Variants in DHRS3 observed in about 807,000 individuals in gnomAD.
DHRS3 encodes the protein short-chain dehydrogenase/reductase 3.
Under a neutral mutation model 27.2 loss-of-function variants are expected in DHRS3, and 14 were observed. The observed-to-expected ratio is 0.52, with a 90% CI of 0.34 to 0.81. The LOEUF (loss-of-function observed/expected upper bound fraction) is 0.81. Among genes scored for constraint, DHRS3 ranks in the 30% least tolerant of loss-of-function variants. The pLI is 0.01. For synonymous variants in DHRS3, 165 were observed against 175.9 expected, an observed-to-expected ratio of 0.94 and a Z score of 0.49; for missense variants, 322 against 406.2, an observed-to-expected ratio of 0.79 and a Z score of 1.78.
chr1:12,572,608 G>A lies in DHRS3; in HGVS notation c.824+120C>T, dbSNP rs889942279. 3.1e-5 allele frequency: 45 copies of A among 1,465,924 alleles called. 1 individual carries two copies. The South Asian group carries it at 5.3e-4, about 17-fold the overall frequency. 90.8% of individuals were successfully genotyped at this position (1,465,924 alleles called of 1,614,324 possible). A position where few individuals can be genotyped will look rare whatever the true frequency, so the allele number is the denominator to read the frequency against. On this transcript the variant is annotated intron_variant, in intron 5 of 5. Coordinates refer to ENST00000616661, the MANE Select transcript of DHRS3 (RefSeq NM_004753.7). ...TTTGAGAACTGCTGCCCCACAGTAA[G>A]TACAGTACATCAGCAGCAAATGTGC...
At chr1:12,572,657 G>T (rs758101280) in intron 5 of DHRS3, 71 bp downstream of exon 5, 3 of 1,542,776 alleles carry the variant, frequency 1.9e-6, no homozygotes, top group African/African-American at 1.4e-5. Context: ...GCTCATGCCC[G>T]CAGCAGACAT....
intron 1 of DHRS3, among the ~76,000 whole-genome samples, chr1:12,602,024 T>C (rs944457705): frequency 2.0e-5 from 3 of 152,242 alleles, no homozygotes; most frequent in African/African-American, 7.2e-5. Flanking sequence ...AGTTGCCAGA[T>C]ACTTGGTGAG....
In DHRS3 at chr1:12,578,235, C is replaced by G. The variant is rs1646607821; in HGVS notation, c.698+483G>C. Among the ~76,000 whole-genome samples, 1 of 152,210 alleles carries G rather than the reference C, an allele frequency of 6.6e-6. No homozygotes were observed. Among genetic ancestry groups the G allele is most frequent in the African/African-American group, 2.4e-5 (1 of 41,452 alleles). On this transcript the variant is annotated intron_variant, in intron 4 of 5. Transcript: ENST00000616661. The surrounding 1 kb of genome is among the most constrained non-coding windows in gnomAD (Gnocchi z 4.5). ...AGCTCCCTGAACCAAGCAGCAGGAC[C>G]CTCCCCATCGTGGCATCACTGCCTT... is the stretch of plus-strand genomic sequence containing the variant.
chr1:12,611,081 C>T (rs767460496), intron 1 of DHRS3, among the ~76,000 whole-genome samples: 5 of 152,140 alleles, frequency 3.3e-5, no homozygotes, highest in Non-Finnish European at 5.9e-5. Flanking sequence ...CAGACGGCCT[C>T]GGCAAATACC....
rs948551425 is a variant in DHRS3 at position 12,594,717 on chromosome 1, A to G, written c.196-14051T>C. Among the ~76,000 whole-genome samples, 6 of 152,138 alleles carry G rather than the reference A, an allele frequency of 3.9e-5. No individual in the cohort carries two copies. The highest frequency in any genetic ancestry group is 6.5e-5 in the Admixed American group (1 of 15,272). The stretch of plus-strand genomic sequence containing the variant: ...GTGGGAATGAGCTTCCCCAGCACGG[A>G]GACCAGTGTGGAAGAGCAAGCGGGA... On this transcript the variant is annotated intron_variant, in intron 1 of 5. Transcript: ENST00000616661. This position sits in a 1 kb window ranked among gnomAD's most constrained non-coding sequence, Gnocchi z 4.1.
At chr1:12,588,166 C>A (rs540243095) in intron 1 of DHRS3, among the ~76,000 whole-genome samples, 2 of 152,314 alleles carry the variant, frequency 1.3e-5, no homozygotes, top group African/African-American at 4.8e-5. Flanking sequence ...CTTATGGACT[C>A]CTATTCAACC....
chr1:12,571,552 C>T lies in DHRS3; in HGVS notation c.824+1176G>A, dbSNP rs565096489. Among the ~76,000 whole-genome samples, 234 of 126,450 alleles carry T rather than the reference C, an allele frequency of 1.9e-3. 2 individuals carry two copies. Among genetic ancestry groups the T allele is most frequent in the African/African-American group, 6.8e-3 (218 of 31,916 alleles). The allele number at this position is 126,450 out of a possible 152,430, so 83.0% of individuals were successfully genotyped here. ...TTTTTTTTTTTTTTTTTTTTTGAGA[C>T]GGAGTCTTGTTCTTGTTGCCCAGGC... On this transcript the variant is annotated intron_variant, in intron 5 of 5. Coordinates refer to ENST00000616661, the MANE Select transcript of DHRS3 (RefSeq NM_004753.7).
chr1:12,585,397 G>GTGTGTGAC (rs1238202809), intron 1 of DHRS3, among the ~76,000 whole-genome samples: 1 of 13,436 alleles, frequency 7.4e-5, no homozygotes, highest in Non-Finnish European at 6.9e-4. Context: ...GTGTGTGACT[G>GTGTGTGAC]TGTGTGTGTG....
rs1022812013 is a variant in DHRS3, at chr1:12,582,147, T to A, written c.196-1481A>T. ...AACTGATTTCTCTATTTTGCTTTGT[T>A]ACACGGTATAGAGAAAAGTCACATT... On this transcript the variant is annotated intron_variant, in intron 1 of 5. Coordinates refer to ENST00000616661, the MANE Select transcript of DHRS3 (RefSeq NM_004753.7). Among the ~76,000 whole-genome samples the A allele has an allele frequency of 3.9e-5, 6 of 152,218 alleles. No homozygotes were observed. The East Asian group carries it at 1.2e-3, about 29-fold the overall frequency.
chr1:12,618,024 C>A lies in DHRS3; in HGVS notation c.-676G>T, dbSNP rs949027700. On this transcript the variant is annotated 5_prime_UTR_variant, in exon 1 of 6. Transcript: ENST00000616661. The surrounding 1 kb of genome is among the most constrained non-coding windows in gnomAD (Gnocchi z 4.2). ...AAGTGGGGGGTCCGGGTGTCAGTTT[C>A]TTTACGTGCAGCGCTCGCCCTCGCG... Among the ~76,000 whole-genome samples the A allele has an allele frequency of 2.0e-5, 3 of 152,124 alleles. No homozygotes were observed. The highest frequency in any genetic ancestry group is 2.9e-5 in the Non-Finnish European group (2 of 68,032).
In DHRS3 at chr1:12,578,955, G is replaced by A; in HGVS notation, c.461C>T (p.Thr154Ile). ...CATACGCGGCAGGAAGGCCTTGGTGGTCTGAGGGCAGATGGGGTGTCAGGG... is the reference window on the plus strand; with the variant it reads ...CATACGCGGCAGGAAGGCCTTGGTGATCTGAGGGCAGATGGGGTGTCAGGG... ...QHINTLGQFW[T>I]TKAFLPRMLE... Residue 154 changes from threonine (T) to isoleucine (I), a missense_variant and splice_region_variant, in exon 4 of 6, where the codon ACC becomes ATC. Transcript: ENST00000616661. The surrounding 1 kb of genome is among the most constrained non-coding windows in gnomAD (Gnocchi z 4.5). The A allele has an allele frequency of 6.2e-7, 1 of 1,611,238 alleles. No homozygotes were observed. The highest frequency in any genetic ancestry group is 8.5e-7 in the Non-Finnish European group (1 of 1,179,444).
rs1371604138 is a variant in DHRS3, at chr1:12,592,233, G to A, written c.196-11567C>T. ...ACTGAATCCTCTCGGCTGCCCGGAT[G>A]TGGTACAGTCGGCTGATTAGTGTCC... On this transcript the variant is annotated intron_variant, in intron 1 of 5. Transcript: ENST00000616661. This position sits in a 1 kb window ranked among gnomAD's most constrained non-coding sequence, Gnocchi z 4.2. 4.6e-5 allele frequency among the ~76,000 whole-genome samples: 7 copies of A among 152,220 alleles called. No individual in the cohort carries two copies. In the East Asian group the frequency reaches 1.3e-3, roughly 29 times the overall value.
At position 12,568,250 on chromosome 1, in the gene DHRS3, A is replaced by G. The variant is rs1646501765; in HGVS notation, c.*90T>C. ...AGGAGCTGTCCTGCTCACCCAGCAGAAGCATGCCAATGGACAGGTGCTCGG... is the reference window on the plus strand; with the variant it reads ...AGGAGCTGTCCTGCTCACCCAGCAGGAGCATGCCAATGGACAGGTGCTCGG... On this transcript the variant is annotated 3_prime_UTR_variant, in exon 6 of 6. Transcript: ENST00000616661. 5 of 1,235,016 alleles carry G rather than the reference A, an allele frequency of 4.0e-6. No homozygotes were observed. In the Admixed American group the frequency reaches 5.1e-5, roughly 13 times the overall value. The allele number at this position is 1,235,016 out of a possible 1,614,324, so 76.5% of individuals were successfully genotyped here.
chr1:12,585,155 C>T (rs1570370973), intron 1 of DHRS3, among the ~76,000 whole-genome samples: 1 of 128,752 alleles, frequency 7.8e-6, no homozygotes, highest in Non-Finnish European at 1.7e-5. Context: ...CTCAGTGTGT[C>T]TCTGTGTGTC....
intron 1 of DHRS3, among the ~76,000 whole-genome samples, chr1:12,615,879 C>A (rs1018721793): frequency 2.6e-5 from 4 of 152,292 alleles, no homozygotes; most frequent in Non-Finnish European, 1.5e-5. Context: ...CAAGGTCAAG[C>A]GGCTGTCCAA....
At chr1:12,587,285 G>A (rs1178955963) in intron 1 of DHRS3, among the ~76,000 whole-genome samples, 1 of 151,778 alleles carries the variant, frequency 6.6e-6, no homozygotes, top group African/African-American at 2.4e-5. Context: ...TGGGACCAGA[G>A]GTGCAAGCCA....
chr1:12,607,156 T>C (rs901742400), intron 1 of DHRS3, among the ~76,000 whole-genome samples: 20 of 152,238 alleles, frequency 1.3e-4, no homozygotes, highest in African/African-American at 4.8e-4. Context: ...AAGGTTCGCA[T>C]TCATTCCTCT....
chr1:12,603,663 G>A (rs975704918), intron 1 of DHRS3, among the ~76,000 whole-genome samples: 4 of 152,182 alleles, frequency 2.6e-5, no homozygotes, highest in Non-Finnish European at 2.9e-5. Flanking sequence ...ACGCAGACAG[G>A]AGACCGTGTT....
chr1:12,579,005 C>G, intron 3 of DHRS3, 49 bp from the exon 4 acceptor site: 1 of 1,526,042 alleles, frequency 6.6e-7, no homozygotes, highest in Non-Finnish European at 9.0e-7. Flanking sequence ...CTCTGACAAC[C>G]CCTCCACCTT....
Sources: allele counts gnomAD v4.1 joint callset (sites outside exome capture counted in the v4.1 genomes callset), GRCh38; gene constraint gnomAD v4.1.1; non-coding constraint Gnocchi (gnomAD v3.1); transcripts MANE v1.5; gene names NCBI Gene and HGNC (gene_info 2026-07-23, HGNC 2026-07-21).